Variants in PLIN3 observed in about 807,000 individuals in gnomAD.
PLIN3 encodes the protein perilipin 3.
A neutral mutation model predicts 35.9 loss-of-function variants in PLIN3; 30 were observed. The ratio of observed to expected loss-of-function variants is 0.84; its 90% confidence interval spans 0.62 to 1.13. The LOEUF (loss-of-function observed/expected upper bound fraction) is 1.13. Ranked by LOEUF, PLIN3 falls within the 50% of genes most tolerant of loss-of-function variation. The pLI is 0.00. For missense variants in PLIN3, 603 were observed against 596.9 expected, an observed-to-expected ratio of 1.01 and a Z score of -0.11; for synonymous variants, 261 against 262.5, an observed-to-expected ratio of 0.99 and a Z score of 0.06.
In PLIN3 at chr19:4,838,380, C is replaced by T. The variant is rs1418792693; in HGVS notation, c.*812G>A. ...AAGTTTATTAAGGCAATACTGAATACCAGAGCATTTCAACAAGGCTTACCA... is the reference window on the plus strand; with the variant it reads ...AAGTTTATTAAGGCAATACTGAATATCAGAGCATTTCAACAAGGCTTACCA... On this transcript the variant is annotated 3_prime_UTR_variant, in exon 8 of 8. Transcript: ENST00000221957. 6.6e-6 allele frequency: 1 copy of T among 152,382 alleles called. No individual in the cohort carries two copies. Among genetic ancestry groups the T allele is most frequent in the Non-Finnish European group, 1.5e-5 (1 of 68,042 alleles). The allele number at this position is 152,382 out of a possible 1,614,324, so 9.4% of individuals were successfully genotyped here. A position where few individuals can be genotyped will look rare whatever the true frequency, so the allele number is the denominator to read the frequency against.
At chr19:4,860,542 C>T (rs190265877) in intron 2 of PLIN3, among the ~76,000 whole-genome samples, 1 of 152,180 alleles carries the variant, frequency 6.6e-6, no homozygotes, top group Non-Finnish European at 1.5e-5. Flanking sequence ...CATGAGCCTG[C>T]ACTTTATCCC....
intron 4 of PLIN3, among the ~76,000 whole-genome samples, chr19:4,857,074 T>C (rs1053949806): frequency 2.0e-5 from 3 of 152,018 alleles, no homozygotes; most frequent in African/African-American, 7.2e-5. Context: ...AATTCTTATG[T>C]TGAAGTCCTG....
Position 4,859,589 on chromosome 19 carries a change from C to T in PLIN3, c.348+1G>A. 8.7e-6 allele frequency: 14 copies of T among 1,613,940 alleles called. No homozygotes were observed. The highest frequency in any genetic ancestry group is 1.2e-5 in the Non-Finnish European group (14 of 1,179,816). ...GAGCCCCTGAGGACGGACATCGTTA[C>T]CTTCTCCGTGGGCTGCTGCAGGATG... On this transcript the variant is annotated splice_donor_variant, in intron 4 of 7. Coordinates refer to ENST00000221957, the MANE Select transcript of PLIN3 (RefSeq NM_005817.5). LOFTEE classifies it high-confidence loss of function.
rs555001405 is a variant in PLIN3, at chr19:4,854,190, C to T, written c.349-1889G>A. Among the ~76,000 whole-genome samples, 3 of 152,150 alleles carry T rather than the reference C, an allele frequency of 2.0e-5. No individual in the cohort carries two copies. The South Asian group carries it at 6.2e-4, about 32-fold the overall frequency. ...TCAAGCAGTCCTCCTGCTTTGGCCT[C>T]CCAAAGTGCTGGGATGACCGACATG... On this transcript the variant is annotated intron_variant, in intron 4 of 7. Transcript: ENST00000221957.
intron 4 of PLIN3, among the ~76,000 whole-genome samples, chr19:4,853,056 C>T (rs2030356342): frequency 6.6e-6 from 1 of 152,084 alleles, no homozygotes; most frequent in African/African-American, 2.4e-5. Flanking sequence ...TAGTGATCCG[C>T]CCACCTCAGC....
chr19:4,864,858 C>T (rs536589212), intron 1 of PLIN3, among the ~76,000 whole-genome samples: 4 of 152,212 alleles, frequency 2.6e-5, no homozygotes, highest in South Asian at 2.1e-4. Flanking sequence ...TGGAGCAAGG[C>T]GCCTTCCCCT....
At chr19:4,853,589 T>C (rs2030375797) in intron 4 of PLIN3, among the ~76,000 whole-genome samples, 1 of 152,046 alleles carries the variant, frequency 6.6e-6, no homozygotes, top group Non-Finnish European at 1.5e-5. Flanking sequence ...CCTCCCAAAG[T>C]GCTGGGATTA....
At chr19:4,860,143 C>T (rs1358963654) in intron 2 of PLIN3, 119 bp from the exon 3 acceptor site, 1 of 794,442 alleles carries the variant, frequency 1.3e-6, no homozygotes, top group Admixed American at 2.1e-5. Flanking sequence ...CTCAGTTTAC[C>T]CACACTTTGC....
chr19:4,858,624 C>T (rs997611480), intron 4 of PLIN3, among the ~76,000 whole-genome samples: 17 of 151,498 alleles, frequency 1.1e-4, no homozygotes, highest in Non-Finnish European at 1.9e-4. Flanking sequence ...CCTTGTGATC[C>T]GCCCACCTCA....
intron 6 of PLIN3, among the ~76,000 whole-genome samples, 169 bp from the exon 7 acceptor site, chr19:4,844,962 G>A (rs758389603): frequency 2.0e-5 from 3 of 152,160 alleles, no homozygotes; most frequent in Admixed American, 6.6e-5. Flanking sequence ...TGGGGCCTTT[G>A]GTTTAATCAT....
intron 1 of PLIN3, among the ~76,000 whole-genome samples, chr19:4,864,107 G>A (rs1272555032): frequency 0.08 from 407 of 5,088 alleles, 8 homozygotes; most frequent in Non-Finnish European, 0.12. Flanking sequence ...TAGTGTGTGT[G>A]TGTGTGTGTG....
At chr19:4,843,465 A>G (rs924807689) in intron 7 of PLIN3, among the ~76,000 whole-genome samples, 1 of 150,506 alleles carries the variant, frequency 6.6e-6, no homozygotes, top group Non-Finnish European at 1.5e-5. Flanking sequence ...CTGAGATTAC[A>G]CCACTGCACT....
At chr19:4,852,536 C>A (rs2030336761) in intron 4 of PLIN3, among the ~76,000 whole-genome samples, 1 of 152,208 alleles carries the variant, frequency 6.6e-6, no homozygotes, top group African/African-American at 2.4e-5. Context: ...GTGGGCATGA[C>A]CTCATACTCT....
intron 1 of PLIN3, chr19:4,867,220 A>G (rs2030887742): frequency 6.6e-6 from 1 of 152,178 alleles, no homozygotes; most frequent in Admixed American, 6.5e-5. Flanking sequence ...AAAACCCCAG[A>G]AGGGAGGGCG....
chr19:4,866,143 G>A (rs1402457697), intron 1 of PLIN3, among the ~76,000 whole-genome samples: 2 of 151,526 alleles, frequency 1.3e-5, no homozygotes, highest in Non-Finnish European at 2.9e-5. Flanking sequence ...TCAGCCTCCA[G>A]AGTATCTGGG....
chr19:4,846,289 C>G (rs1459098346), intron 6 of PLIN3, among the ~76,000 whole-genome samples: 1 of 150,604 alleles, frequency 6.6e-6, no homozygotes, highest in Non-Finnish European at 1.5e-5. Context: ...CCACTCCAGC[C>G]TGGGCAACAG....
chr19:4,851,661 G>A (rs1599165858), intron 5 of PLIN3, among the ~76,000 whole-genome samples: 3 of 152,042 alleles, frequency 2.0e-5, no homozygotes, highest in Middle Eastern at 3.4e-3. Flanking sequence ...GGAGGAGGGC[G>A]GGGAGAGGAC....
chr19:4,858,743 C>G (rs2030564805), intron 4 of PLIN3, among the ~76,000 whole-genome samples: 1 of 139,440 alleles, frequency 7.2e-6, no homozygotes, highest in Non-Finnish European at 1.5e-5. Context: ...CTCTTGCTGC[C>G]CAGGCTAGAG....
chr19:4,858,707 T>TTTG (rs1555735334), intron 4 of PLIN3, among the ~76,000 whole-genome samples: 5 of 131,032 alleles, frequency 3.8e-5, no homozygotes, highest in South Asian at 4.8e-4. Flanking sequence ...TTTGGTTTTT[T>TTTG]TTTTTTTTTT....
Sources: gnomAD v4.1 joint callset for allele counts (sites outside exome capture counted in the v4.1 genomes callset) on GRCh38, gnomAD v4.1.1 for gene constraint, MANE v1.5 for transcripts, NCBI Gene and HGNC (gene_info 2026-07-23, HGNC 2026-07-21) for gene names.